SH3GL3: variants seen among roughly 807,000 people sequenced by gnomAD.
SH3GL3 encodes the protein endophilin-A3.
Under a neutral mutation model 47.7 loss-of-function variants are expected in SH3GL3, and 33 were observed. That is an observed-to-expected ratio of 0.69 (90% CI 0.52 to 0.92). The LOEUF is 0.92. Ranked by LOEUF, SH3GL3 falls within the 40% of genes least tolerant of loss-of-function variation. SH3GL3 has a pLI of 0.00. For missense variants in SH3GL3, 363 were observed against 417.8 expected (o/e 0.87, Z 1.14); for synonymous variants, 155 against 148.8 (o/e 1.04, Z -0.30).
At chr15:83,625,624 C>T in the SH3GL3 span, among the ~76,000 whole-genome samples, 12 of 152,222 alleles carry the variant, frequency 7.9e-5, no homozygotes, top group African/African-American at 2.9e-4. Flanking sequence ...ACCTAGCTAC[C>T]TAAATTTCAA....
intron 1 of SH3GL3, among the ~76,000 whole-genome samples, chr15:83,509,716 G>T (rs1035091792): frequency 6.6e-6 from 1 of 152,042 alleles, no homozygotes; most frequent in Admixed American, 6.6e-5. Context: ...TTTTTATGAC[G>T]CCTCCCTAAT....
At chr15:83,492,128 C>T (rs1299072157) in intron 1 of SH3GL3, among the ~76,000 whole-genome samples, 1 of 151,742 alleles carries the variant, frequency 6.6e-6, no homozygotes, top group East Asian at 1.9e-4. Flanking sequence ...ACTAAAAATA[C>T]AAAAATTAGC....
chr15:83,589,757 C>T (rs530495870), intron 8 of SH3GL3, among the ~76,000 whole-genome samples: 1 of 152,272 alleles, frequency 6.6e-6, no homozygotes, highest in South Asian at 2.1e-4. Context: ...ACTGTTTCTT[C>T]GAGTTATTTC....
chr15:83,546,693 C>T (rs934341150), intron 1 of SH3GL3, among the ~76,000 whole-genome samples: 9 of 151,880 alleles, frequency 5.9e-5, no homozygotes, highest in African/African-American at 2.2e-4. Flanking sequence ...TGACTGCTGC[C>T]TGGCTACAGA....
chr15:83,627,818 A>G, the SH3GL3 span, among the ~76,000 whole-genome samples: 1 of 152,238 alleles, frequency 6.6e-6, no homozygotes, highest in East Asian at 1.9e-4. Flanking sequence ...TTGTTCCAAT[A>G]AAGCCACCCC....
At chr15:83,546,053 AG>A (rs1349874014) in intron 1 of SH3GL3, among the ~76,000 whole-genome samples, 2 of 152,078 alleles carry the variant, frequency 1.3e-5, no homozygotes, top group Non-Finnish European at 2.9e-5. Flanking sequence ...TGTTTATTCA[AG>A]GGCCAAGGAC....
At chr15:83,505,135 A>T (rs1268492664) in intron 1 of SH3GL3, among the ~76,000 whole-genome samples, 1 of 152,148 alleles carries the variant, frequency 6.6e-6, no homozygotes, top group African/African-American at 2.4e-5. Flanking sequence ...GTTCGTGGTC[A>T]TCGGTGTTGT....
intron 1 of SH3GL3, among the ~76,000 whole-genome samples, chr15:83,558,446 G>A (rs2045072680): frequency 6.6e-6 from 1 of 151,326 alleles, no homozygotes; most frequent in African/African-American, 2.4e-5. Context: ...TACACAAATT[G>A]TCCTCAGCTC....
At chr15:83,607,981 A>G (rs1375603254) in intron 8 of SH3GL3, among the ~76,000 whole-genome samples, 7 of 152,104 alleles carry the variant, frequency 4.6e-5, no homozygotes. Flanking sequence ...AATGGCCCGC[A>G]GGTTTTGAGG....
At chr15:83,619,002 T>C (rs1014813773), downstream of SH3GL3, among the ~76,000 whole-genome samples, 2 of 152,196 alleles carry the variant, frequency 1.3e-5, no homozygotes, top group Non-Finnish European at 2.9e-5. Context: ...ATATTTTGGA[T>C]AGGTTTTTCA....
At chr15:83,506,445 C>T (rs2042506491) in intron 1 of SH3GL3, among the ~76,000 whole-genome samples, 1 of 152,280 alleles carries the variant, frequency 6.6e-6, no homozygotes, top group Non-Finnish European at 1.5e-5. Context: ...CTGGCACTTT[C>T]TGACACCTAC....
intron 1 of SH3GL3, among the ~76,000 whole-genome samples, chr15:83,509,245 A>G (rs2042644630): frequency 6.6e-6 from 1 of 152,234 alleles, no homozygotes; most frequent in Admixed American, 6.5e-5. Context: ...AGGAATGGGC[A>G]GGCATGCCCT....
intron 6 of SH3GL3, among the ~76,000 whole-genome samples, chr15:83,582,407 C>A (rs1376536325): frequency 6.6e-6 from 1 of 152,026 alleles, no homozygotes; most frequent in African/African-American, 2.4e-5. Flanking sequence ...TCTAGAGTAG[C>A]ATTTTCCAAA....
intron 1 of SH3GL3, among the ~76,000 whole-genome samples, chr15:83,470,769 AT>A (rs1288389031): frequency 6.6e-6 from 1 of 151,836 alleles, no homozygotes; most frequent in East Asian, 1.9e-4. Context: ...ATTTTGGTTT[AT>A]ATAGTGTTTT....
At chr15:83,500,294 G>T (rs955810438) in intron 1 of SH3GL3, among the ~76,000 whole-genome samples, 3 of 152,192 alleles carry the variant, frequency 2.0e-5, no homozygotes, top group Non-Finnish European at 2.9e-5. Context: ...CAATGCTTCT[G>T]TATTGGATAT....
In SH3GL3 at chr15:83,571,814, A is replaced by T. The variant is rs550986321; in HGVS notation, c.332-751A>T. 1.4e-4 allele frequency among the ~76,000 whole-genome samples: 22 copies of T among 152,300 alleles called. 2 individuals carry two copies. The South Asian group carries it at 3.7e-3, about 26-fold the overall frequency. ...CATTCTAGTGCAGCATTTCCCAGGG[A>T]TGTTTTCTAGAGACCCTGCAACCCT... On this transcript the variant is annotated intron_variant, in intron 4 of 8. Coordinates refer to ENST00000427482, the MANE Select transcript of SH3GL3 (RefSeq NM_003027.5).
At chr15:83,450,623 G>C (rs116754920) in intron 1 of SH3GL3, among the ~76,000 whole-genome samples, 1,538 of 151,278 alleles carry the variant, frequency 0.01, 26 homozygotes, top group African/African-American at 0.035. Context: ...GAAGAAATAT[G>C]CTAAAATGAG....
chr15:83,524,597 G>A (rs549077373), intron 1 of SH3GL3, among the ~76,000 whole-genome samples: 1 of 151,690 alleles, frequency 6.6e-6, no homozygotes, highest in South Asian at 2.1e-4. Context: ...CTCTGTTATC[G>A]AACATTAAAA....
intron 8 of SH3GL3, among the ~76,000 whole-genome samples, chr15:83,612,827 C>A (rs1191289254): frequency 6.6e-6 from 1 of 152,194 alleles, no homozygotes; most frequent in Non-Finnish European, 1.5e-5. Flanking sequence ...GTTCTTCAAG[C>A]TCTAGTTCTT....
Sources: gnomAD v4.1 joint callset for allele counts (sites outside exome capture counted in the v4.1 genomes callset) on GRCh38, gnomAD v4.1.1 for gene constraint, MANE v1.5 for transcripts, NCBI Gene and HGNC (gene_info 2026-07-23, HGNC 2026-07-21) for gene names.